Variants in ADGRL2 observed in about 807,000 individuals in gnomAD.
The protein encoded by ADGRL2 is adhesion G protein-coupled receptor L2.
In ADGRL2, 44 loss-of-function variants were observed where a neutral mutation model predicts 157.4. The ratio of observed to expected loss-of-function variants is 0.28; its 90% CI spans 0.22 to 0.36. The LOEUF (loss-of-function observed/expected upper bound fraction) is 0.36. Among genes scored for constraint, ADGRL2 ranks in the 10% least tolerant of loss-of-function variants. ADGRL2 has a pLI of 1.00. For synonymous variants in ADGRL2, 585 were observed against 624.7 expected (o/e 0.94, Z 0.95); for missense variants, 1,510 against 1,768.9 (o/e 0.85, Z 2.63).
chr1:81,722,723 G>C (rs1450814633), intron 1 of ADGRL2: 2 of 935,788 alleles, frequency 2.1e-6, no homozygotes, highest in Non-Finnish European at 3.4e-6. Context: ...TGAAGAGCGA[G>C]AGATCAAAGA....
chr1:81,378,484 C>A (rs2076289433), intron 1 of ADGRL2, among the ~76,000 whole-genome samples: 1 of 149,994 alleles, frequency 6.7e-6, no homozygotes, highest in Non-Finnish European at 1.5e-5. Flanking sequence ...CACCTGAACC[C>A]AGGAGTTCCA....
intron 1 of ADGRL2, among the ~76,000 whole-genome samples, chr1:81,412,038 T>A (rs2076954671): frequency 6.6e-6 from 1 of 152,190 alleles, no homozygotes; most frequent in Non-Finnish European, 1.5e-5. Context: ...CTACTTAATA[T>A]GTATTGAGAA....
chr1:81,869,140 C>A (rs3790929), intron 2 of ADGRL2, among the ~76,000 whole-genome samples: 5 of 151,966 alleles, frequency 3.3e-5, no homozygotes, highest in Admixed American at 3.3e-4. Context: ...TTTGTGCAAC[C>A]TGGATGAATG....
chr1:81,928,127 A>G (rs182919195), intron 3 of ADGRL2, among the ~76,000 whole-genome samples: 9 of 152,140 alleles, frequency 5.9e-5, no homozygotes, highest in Non-Finnish European at 8.8e-5. Flanking sequence ...TGTGTATAAA[A>G]TTTTGTTCTA....
intron 1 of ADGRL2, among the ~76,000 whole-genome samples, chr1:81,747,291 G>A (rs2085328259): frequency 6.8e-6 from 1 of 146,506 alleles, no homozygotes; most frequent in African/African-American, 2.5e-5. Context: ...GTGCATACAT[G>A]TGTATATATA....
chr1:81,516,806 A>G (rs1557751207), intron 2 of ADGRL2, among the ~76,000 whole-genome samples: 1 of 152,124 alleles, frequency 6.6e-6, no homozygotes, highest in Non-Finnish European at 1.5e-5. Flanking sequence ...GTTTACACCC[A>G]ACCCCTCCAT....
intron 3 of ADGRL2, among the ~76,000 whole-genome samples, chr1:81,587,812 G>C (rs1026641585): frequency 6.6e-6 from 1 of 152,132 alleles, no homozygotes; most frequent in African/African-American, 2.4e-5. Flanking sequence ...AGCCTTTGCT[G>C]TGAAAATAAA....
intron 1 of ADGRL2, among the ~76,000 whole-genome samples, chr1:81,702,434 C>A (rs1022445294): frequency 6.6e-6 from 1 of 152,160 alleles, no homozygotes; most frequent in African/African-American, 2.4e-5. Flanking sequence ...TAGTCATAAC[C>A]TTCTCATGCT....
At chr1:81,785,087 C>T (rs1239924154) in intron 2 of ADGRL2, among the ~76,000 whole-genome samples, 5 of 152,072 alleles carry the variant, frequency 3.3e-5, no homozygotes, top group Non-Finnish European at 1.5e-5. Flanking sequence ...TATTTGCCAA[C>T]ATTAGTTTCC....
intron 3 of ADGRL2, among the ~76,000 whole-genome samples, chr1:81,656,740 T>G (rs2082541732): frequency 6.6e-6 from 1 of 152,146 alleles, no homozygotes; most frequent in Non-Finnish European, 1.5e-5. Context: ...CCAGGCATGG[T>G]GGCTTATGCC....
At chr1:81,827,233 A>G (rs908713374) in intron 1 of ADGRL2, among the ~76,000 whole-genome samples, 2 of 152,208 alleles carry the variant, frequency 1.3e-5, no homozygotes, top group Non-Finnish European at 2.9e-5. Flanking sequence ...AGAATTTAGC[A>G]TTTACTTGTT....
chr1:81,716,062 T>C (rs779661864), intron 1 of ADGRL2, among the ~76,000 whole-genome samples: 2 of 152,216 alleles, frequency 1.3e-5, no homozygotes, highest in African/African-American at 2.4e-5. Flanking sequence ...ACTCAAGTGA[T>C]AGAGAAGAAA....
At chr1:81,317,065 C>A (rs1570600014) in intron 1 of ADGRL2, among the ~76,000 whole-genome samples, 1 of 152,030 alleles carries the variant, frequency 6.6e-6, no homozygotes, top group Admixed American at 6.6e-5. Flanking sequence ...TCCCTGGTGA[C>A]ATTTGGTAAT....
intron 2 of ADGRL2, among the ~76,000 whole-genome samples, chr1:81,776,931 T>C (rs930066840): frequency 2.6e-5 from 4 of 152,214 alleles, no homozygotes; most frequent in Non-Finnish European, 5.9e-5. Flanking sequence ...ATTAACGTAA[T>C]TAACACTGTC....
intron 2 of ADGRL2, among the ~76,000 whole-genome samples, chr1:81,888,658 G>A (rs1480170219): frequency 6.6e-6 from 1 of 152,018 alleles, no homozygotes; most frequent in African/African-American, 2.4e-5. Context: ...CACCTTAGTA[G>A]ACCCAGGATG....
At chr1:81,965,109 T>A (rs188061980) in intron 11 of ADGRL2, among the ~76,000 whole-genome samples, 19 of 152,318 alleles carry the variant, frequency 1.2e-4, no homozygotes, top group African/African-American at 4.3e-4. Flanking sequence ...CAGTGTTTTG[T>A]ATTGACGTGT....
intron 3 of ADGRL2, among the ~76,000 whole-genome samples, chr1:81,609,039 T>A (rs1163993289): frequency 7.8e-6 from 1 of 128,410 alleles, no homozygotes. Context: ...CATGTACAAG[T>A]GATTTTTTTT....
At chr1:81,881,837 C>T (rs980881808) in intron 2 of ADGRL2, among the ~76,000 whole-genome samples, 1 of 152,176 alleles carries the variant, frequency 6.6e-6, no homozygotes, top group African/African-American at 2.4e-5. Flanking sequence ...TTTGTTTAAT[C>T]TTTCCCTAAA....
At chr1:81,376,423 A>G (rs2076250910) in intron 1 of ADGRL2, among the ~76,000 whole-genome samples, 1 of 152,204 alleles carries the variant, frequency 6.6e-6, no homozygotes, top group African/African-American at 2.4e-5. Context: ...CAAAATGCCT[A>G]ACTGGGTTGA....
Sources: gnomAD v4.1 joint callset for allele counts (sites outside exome capture counted in the v4.1 genomes callset) on GRCh38, gnomAD v4.1.1 for gene constraint, MANE v1.5 for transcripts, NCBI Gene and HGNC (gene_info 2026-07-23, HGNC 2026-07-21) for gene names.